NLRP3: variants seen among roughly 807,000 people sequenced by gnomAD.
NLRP3 encodes the protein NACHT, LRR and PYD domains-containing protein 3.
NLRP3 carries 48 observed loss-of-function variants against 91.3 expected under a neutral mutation model. That is an observed-to-expected ratio of 0.53 (90% CI 0.42 to 0.67). The LOEUF is 0.67. Among genes scored for constraint, NLRP3 ranks in the 30% least tolerant of loss-of-function variants. The pLI is 0.00. For synonymous variants in NLRP3, 561 were observed against 507.9 expected, an observed-to-expected ratio of 1.10 and a Z score of -1.41; for missense variants, 982 against 1,276.9, an observed-to-expected ratio of 0.77 and a Z score of 3.52.
chr1:247,426,516 A>C (rs930312965), intron 4 of NLRP3, among the ~76,000 whole-genome samples: 1 of 152,196 alleles, frequency 6.6e-6, no homozygotes, highest in Non-Finnish European at 1.5e-5. Context: ...AAATTAAGGG[A>C]AACAGGAGGC....
chr1:247,448,269 T>TTTTTG, intron 9 of NLRP3, 136 bp from the exon 10 acceptor site: 1 of 39,898 alleles, frequency 2.5e-5, no homozygotes. Flanking sequence ...GTGGTCCCTC[T>TTTTTG]TTTTTTTTTT....
chr1:247,418,089 G>C lies in NLRP3; in HGVS notation c.-712G>C, dbSNP rs1662178995. On this transcript the variant is annotated 5_prime_UTR_variant, in exon 2 of 10. Coordinates refer to ENST00000336119, the MANE Select transcript of NLRP3 (RefSeq NM_001243133.2). ...GAAGTTGAGGAATAGTGAAGAGTTT[G>C]TCCAATGTCATAGCCCCGTAATCAA... is the stretch of plus-strand genomic sequence containing the variant. 1 of 152,530 alleles carries C rather than the reference G, an allele frequency of 6.6e-6. No individual in the cohort carries two copies. Among genetic ancestry groups the C allele is most frequent in the Admixed American group, 6.5e-5 (1 of 15,284 alleles). The allele number at this position is 152,530 out of a possible 1,614,324, so 9.4% of individuals were successfully genotyped here. A position where few individuals can be genotyped will look rare whatever the true frequency, so the allele number is the denominator to read the frequency against.
intron 7 of NLRP3, among the ~76,000 whole-genome samples, chr1:247,440,286 C>T (rs1315176001): frequency 6.6e-6 from 1 of 152,178 alleles, no homozygotes; most frequent in Non-Finnish European, 1.5e-5. Flanking sequence ...CACCCCCGTT[C>T]TCTGACCTGC....
At chr1:247,421,432 G>T (rs1662449877) in intron 2 of NLRP3, among the ~76,000 whole-genome samples, 1 of 152,198 alleles carries the variant, frequency 6.6e-6, no homozygotes, top group Non-Finnish European at 1.5e-5. Context: ...ACCAGCCTGA[G>T]CAACATAGGG....
chr1:247,418,855 G>C lies in NLRP3; in HGVS notation c.55G>C (p.Asp19His), dbSNP rs200154873. ...GTACCTGGAGGACCTGGAGGATGTG[G>C]ACTTGAAGAAATTTAAGATGCACTT... ...ARYLEDLEDV[D>H]LKKFKMHLED... Residue 19 changes from aspartate to histidine, a missense_variant, in exon 2 of 10, where the codon GAC becomes CAC. Coordinates refer to ENST00000336119, the MANE Select transcript of NLRP3 (RefSeq NM_001243133.2). 8.1e-6 allele frequency: 13 copies of C among 1,614,084 alleles called. No individual in the cohort carries two copies. The highest frequency in any genetic ancestry group is 1.7e-6 in the Non-Finnish European group (2 of 1,180,034).
intron 4 of NLRP3, 141 bp from the exon 5 acceptor site, chr1:247,429,444 A>G: frequency 1.2e-6 from 1 of 869,060 alleles, no homozygotes; most frequent in Non-Finnish European, 1.9e-6. Context: ...TTCTCTGGGA[A>G]CAATTTTTGG....
chr1:247,445,621 C>T (rs1010792774), intron 9 of NLRP3, among the ~76,000 whole-genome samples: 7 of 152,298 alleles, frequency 4.6e-5, no homozygotes, highest in African/African-American at 7.2e-5. Context: ...CTGAGGTAGT[C>T]GTCTCCTCTC....
chr1:247,445,287 G>A (rs1039693214), intron 9 of NLRP3, among the ~76,000 whole-genome samples: 5 of 151,864 alleles, frequency 3.3e-5, no homozygotes, highest in African/African-American at 1.2e-4. Flanking sequence ...TGCAAGCTCC[G>A]CCTCCCGGGT....
At position 247,425,341 on chromosome 1, in the gene NLRP3, GT is replaced by G; in HGVS notation, c.1895del (p.Leu632CysfsTer88). On this transcript the variant is annotated frameshift_variant, in exon 4 of 10. Coordinates refer to ENST00000336119, the MANE Select transcript of NLRP3 (RefSeq NM_001243133.2). LOFTEE classifies it high-confidence loss of function. This position sits in a 1 kb window ranked among gnomAD's most constrained non-coding sequence, Gnocchi z 4.1. The part of the protein sequence containing the change: ...IQPSQLELFY[C>X]LYEMQEEDFV... ...CCCAGCCAGCTGGAATTGTTCTACT[GT>G]TTGTACGAGATGCAGGAGGAGGACT... 1 of 1,614,178 alleles carries G rather than the reference GT, an allele frequency of 6.2e-7. No individual in the cohort carries two copies. The highest frequency in any genetic ancestry group is 1.7e-4 in the Middle Eastern group (1 of 6,060).
chr1:247,419,159 TA>T (rs538100787), intron 2 of NLRP3, 82 bp downstream of exon 2: 23,134 of 901,366 alleles, frequency 0.026, 80 homozygotes, highest in East Asian at 0.039. Context: ...TATATATATA[TA>T]TATATTTTTT....
chr1:247,425,694 A>G lies in NLRP3; in HGVS notation c.2150+95A>G. On this transcript the variant is annotated intron_variant, in intron 4 of 9. Transcript: ENST00000336119. The surrounding 1 kb of genome is among the most constrained non-coding windows in gnomAD (Gnocchi z 4.1). ...CTCATCTCTTTTCAACTATCTTCCA[A>G]ATACTGTTGCCACAGCTACATCATA... 1 of 1,160,176 alleles carries G rather than the reference A, an allele frequency of 8.6e-7. No homozygotes were observed. Among genetic ancestry groups the G allele is most frequent in the Non-Finnish European group, 1.3e-6 (1 of 792,210 alleles). 71.9% of individuals were successfully genotyped at this position (1,160,176 alleles called of 1,614,324 possible). A position where few individuals can be genotyped will look rare whatever the true frequency, so the allele number is the denominator to read the frequency against.
chr1:247,419,402 G>T (rs1187970982), intron 2 of NLRP3, among the ~76,000 whole-genome samples: 1 of 152,034 alleles, frequency 6.6e-6, no homozygotes, highest in Non-Finnish European at 1.5e-5. Context: ...TGATCCACCC[G>T]CCTCGGCCTC....
Position 247,444,720 on chromosome 1 carries a change from C to T in NLRP3, c.2904C>T (p.Ser968=). 6.2e-7 allele frequency: 1 copy of T among 1,614,146 alleles called. No homozygotes were observed. Residue 968 remains serine (S), a synonymous_variant, in exon 9 of 10, where the codon AGC becomes AGT. Transcript: ENST00000336119. ...CCACACTTCTGACCTCCAGCCAGAG[C>T]CTGCGAAAGCTGAGCCTGGGCAACA... The part of the protein sequence containing the change: ...DLSTLLTSSQ[S]LRKLSLGNND...
chr1:247,436,510 G>C (rs1572206829), intron 7 of NLRP3, among the ~76,000 whole-genome samples: 2 of 152,198 alleles, frequency 1.3e-5, no homozygotes, highest in East Asian at 3.9e-4. Context: ...CTCTACACTA[G>C]GAAAGAGCTC....
chr1:247,422,378 CAA>C (rs3078448), intron 2 of NLRP3, among the ~76,000 whole-genome samples: 3 of 141,822 alleles, frequency 2.1e-5, no homozygotes, highest in African/African-American at 2.6e-5. Context: ...GGCCCTGTCT[CAA>C]AAAAAAAAAA....
chr1:247,423,828 C>T lies in NLRP3; in HGVS notation c.398-19C>T. 1 of 1,611,582 alleles carries T rather than the reference C, an allele frequency of 6.2e-7. No homozygotes were observed. Among genetic ancestry groups the T allele is most frequent in the South Asian group, 1.1e-5 (1 of 90,464 alleles). On this transcript the variant is annotated intron_variant, in intron 3 of 9. Transcript: ENST00000336119. The stretch of plus-strand genomic sequence containing the variant: ...GGATGTGTGTATACTTTCCCCCTAA[C>T]TTCCTGTCTTTGCCGTAGATTACCG...
At chr1:247,427,097 C>A (rs925158837) in intron 4 of NLRP3, among the ~76,000 whole-genome samples, 1 of 152,154 alleles carries the variant, frequency 6.6e-6, no homozygotes, top group Admixed American at 6.5e-5. Flanking sequence ...CAGGCTCTGG[C>A]AGATCTGGTG....
rs763401860 is a variant in NLRP3, at chr1:247,423,212, C to CT, written c.278-10dup. ...TGATAATAGTTCTGGGTTTTGACAC[C>CT]TTTTTTTTCCCTTTTAGGTTCAGAT... On this transcript the variant is annotated splice_polypyrimidine_tract_variant and intron_variant, in intron 2 of 9. Coordinates refer to ENST00000336119, the MANE Select transcript of NLRP3 (RefSeq NM_001243133.2). The CT allele has an allele frequency of 3.3e-5, 53 of 1,612,370 alleles. No homozygotes were observed. The highest frequency in any genetic ancestry group is 2.4e-4 in the African/African-American group (18 of 74,812).
rs180177501 is a variant in NLRP3, at chr1:247,424,386, A to C, written c.937A>C (p.Ile313Leu). The part of the protein sequence containing the change: ...DELQGAFDEH[I>L]GPLCTDWQKA... ...GCTGCAAGGTGCCTTTGACGAGCAC[A>C]TAGGACCGCTCTGCACTGACTGGCA... The change falls in exon 4 of 10, where the codon ATA (isoleucine) becomes CTA (leucine). Residue 313 changes from isoleucine (I) to leucine (L), a missense_variant. Coordinates refer to ENST00000336119, the MANE Select transcript of NLRP3 (RefSeq NM_001243133.2). This position sits in a 1 kb window ranked among gnomAD's most constrained non-coding sequence, Gnocchi z 8.1. The C allele has an allele frequency of 5.0e-6, 8 of 1,613,896 alleles. No individual in the cohort carries two copies. The highest frequency in any genetic ancestry group is 6.8e-6 in the Non-Finnish European group (8 of 1,180,014).
Sources: allele counts gnomAD v4.1 joint callset (sites outside exome capture counted in the v4.1 genomes callset), GRCh38; gene constraint gnomAD v4.1.1; non-coding constraint Gnocchi (gnomAD v3.1); transcripts MANE v1.5; gene names NCBI Gene and HGNC (gene_info 2026-07-23, HGNC 2026-07-21).